Variants in WDPCP observed in about 807,000 individuals in gnomAD.
The protein encoded by WDPCP is WD repeat containing planar cell polarity effector.
A neutral mutation model predicts 93.1 loss-of-function variants in WDPCP; 71 were observed. The ratio of observed to expected loss-of-function variants is 0.76; its 90% CI spans 0.63 to 0.93. WDPCP has a LOEUF of 0.93. Ranked by LOEUF, WDPCP falls within the 40% of genes least tolerant of loss-of-function variation. The pLI is 0.00. For synonymous variants in WDPCP, 315 were observed against 315.0 expected, an observed-to-expected ratio of 1.00 and a Z score of 0.00; for missense variants, 844 against 887.4, an observed-to-expected ratio of 0.95 and a Z score of 0.62.
At chr2:63,656,693 G>A (rs975598078) in intron 2 of WDPCP, among the ~76,000 whole-genome samples, 4 of 152,220 alleles carry the variant, frequency 2.6e-5, no homozygotes, top group African/African-American at 9.7e-5. Flanking sequence ...CACTATTCAA[G>A]GTGCTGAAGA....
chr2:63,423,336 G>A (rs2105367657), intron 9 of WDPCP, among the ~76,000 whole-genome samples: 1 of 152,270 alleles, frequency 6.6e-6, no homozygotes, highest in African/African-American at 2.4e-5. Flanking sequence ...TGCCTTTACA[G>A]TTGGATGCAT....
chr2:63,276,821 A>G (rs1013661041), intron 13 of WDPCP, among the ~76,000 whole-genome samples: 1 of 152,244 alleles, frequency 6.6e-6, no homozygotes, highest in Non-Finnish European at 1.5e-5. Context: ...ATAATCGAGG[A>G]AAACTTCCTT....
intron 13 of WDPCP, among the ~76,000 whole-genome samples, chr2:63,269,928 AT>A (rs1479524888): frequency 6.6e-6 from 1 of 152,170 alleles, no homozygotes; most frequent in Non-Finnish European, 1.5e-5. Flanking sequence ...AATCCTCTTT[AT>A]GTTTATTTTA....
chr2:63,822,228 T>A (rs143809219), intron 1 of WDPCP, among the ~76,000 whole-genome samples: 93 of 152,182 alleles, frequency 6.1e-4, no homozygotes, highest in African/African-American at 2.2e-3. Flanking sequence ...AGTCAAACAC[T>A]GGAAATAGCA....
chr2:63,503,723 C>T (rs890813262), intron 1 of WDPCP, among the ~76,000 whole-genome samples: 3 of 151,742 alleles, frequency 2.0e-5, no homozygotes, highest in Non-Finnish European at 2.9e-5. Context: ...ATTGAAAAAA[C>T]GTAACTTTGA....
chr2:63,168,265 T>C (rs1673138058), intron 15 of WDPCP, among the ~76,000 whole-genome samples: 1 of 152,000 alleles, frequency 6.6e-6, no homozygotes, highest in African/African-American at 2.4e-5. Flanking sequence ...TATGTGAAAT[T>C]TGCATTAATT....
intron 3 of WDPCP, among the ~76,000 whole-genome samples, chr2:63,611,999 T>G (rs1168771836): frequency 2.0e-5 from 3 of 152,216 alleles, no homozygotes; most frequent in African/African-American, 7.2e-5. Flanking sequence ...GTCCAAGCCA[T>G]CATTATTTCT....
chr2:63,191,278 G>A (rs1188045744), intron 14 of WDPCP, among the ~76,000 whole-genome samples: 1 of 152,134 alleles, frequency 6.6e-6, no homozygotes, highest in Non-Finnish European at 1.5e-5. Flanking sequence ...TGTAGTCCCA[G>A]CTACTTGGGA....
At chr2:63,123,661 G>T (rs1669695471) in intron 17 of WDPCP, among the ~76,000 whole-genome samples, 1 of 151,790 alleles carries the variant, frequency 6.6e-6, no homozygotes, top group South Asian at 2.1e-4. Context: ...ATATTTTGAA[G>T]ATTTATAAAA....
intron 2 of WDPCP, among the ~76,000 whole-genome samples, chr2:63,713,737 G>C (rs1669293838): frequency 6.6e-6 from 1 of 152,124 alleles, no homozygotes; most frequent in East Asian, 1.9e-4. Flanking sequence ...TGTTTTTCAG[G>C]TTTTCCTTAG....
intron 2 of WDPCP, among the ~76,000 whole-genome samples, chr2:63,667,384 A>T (rs1477754952): frequency 6.6e-6 from 1 of 152,174 alleles, no homozygotes; most frequent in Non-Finnish European, 1.5e-5. Flanking sequence ...TCATTGCAAA[A>T]ACCTGAACAA....
intron 1 of WDPCP, among the ~76,000 whole-genome samples, chr2:63,540,064 A>G (rs1287463982): frequency 6.6e-6 from 1 of 152,194 alleles, no homozygotes; most frequent in Non-Finnish European, 1.5e-5. Context: ...ACTACATAGA[A>G]ACTTTTCGGT....
chr2:63,187,691 G>A (rs560351814), intron 14 of WDPCP, among the ~76,000 whole-genome samples: 19 of 152,204 alleles, frequency 1.2e-4, no homozygotes, highest in African/African-American at 4.6e-4. Flanking sequence ...TTATAATTGT[G>A]TGTGTCTGTG....
intron 3 of WDPCP, among the ~76,000 whole-genome samples, chr2:63,626,046 C>T (rs77527104): frequency 2.0e-5 from 3 of 152,250 alleles, no homozygotes; most frequent in Middle Eastern, 3.4e-3. Flanking sequence ...CATCTACAAC[C>T]ATCTGATCTT....
At chr2:63,263,673 T>C (rs1681847141) in intron 13 of WDPCP, among the ~76,000 whole-genome samples, 1 of 152,208 alleles carries the variant, frequency 6.6e-6, no homozygotes, top group African/African-American at 2.4e-5. Flanking sequence ...ATAGTCTAAA[T>C]GAATCAAGAA....
At chr2:63,453,405 C>CA (rs1218717742) in intron 6 of WDPCP, among the ~76,000 whole-genome samples, 1 of 152,152 alleles carries the variant, frequency 6.6e-6, no homozygotes, top group Non-Finnish European at 1.5e-5. Flanking sequence ...TATGACCTCA[C>CA]ACCAGTTAGA....
chr2:63,382,155 G>A, intron 10 of WDPCP, 61 bp from the exon 11 acceptor site: 3 of 1,518,488 alleles, frequency 2.0e-6, no homozygotes, highest in Non-Finnish European at 2.7e-6. Flanking sequence ...AACAAAAAGA[G>A]TTAATTTTTC....
At chr2:63,283,370 G>A (rs542183676) in intron 13 of WDPCP, among the ~76,000 whole-genome samples, 8 of 152,288 alleles carry the variant, frequency 5.3e-5, no homozygotes, top group Non-Finnish European at 1.0e-4. Context: ...AATTTTACAA[G>A]TAGGATTAAT....
chr2:63,143,343 A>G (rs1159607704), intron 17 of WDPCP, among the ~76,000 whole-genome samples: 2 of 152,174 alleles, frequency 1.3e-5, no homozygotes, highest in East Asian at 3.9e-4. Context: ...TGAAGGCAGC[A>G]GAGAGTTGGT....
Sources: gnomAD v4.1 joint callset for allele counts (sites outside exome capture counted in the v4.1 genomes callset) on GRCh38, gnomAD v4.1.1 for gene constraint, MANE v1.5 for transcripts, NCBI Gene and HGNC (gene_info 2026-07-23, HGNC 2026-07-21) for gene names.